Variants in CCDC50 observed in about 807,000 individuals in gnomAD.
CCDC50 encodes the protein coiled-coil domain-containing protein 50.
A neutral mutation model predicts 70.2 loss-of-function variants in CCDC50; 54 were observed. The observed-to-expected ratio is 0.77, with a 90% CI of 0.62 to 0.96. The LOEUF is 0.96. Ranked by LOEUF, CCDC50 falls within the 50% of genes least tolerant of loss-of-function variation. The probability of loss-of-function intolerance (pLI) is 0.00; values close to 1 mark genes in which losing one functional copy is unlikely to be tolerated. For missense variants in CCDC50, 558 were observed against 578.7 expected, an observed-to-expected ratio of 0.96 and a Z score of 0.37; for synonymous variants, 216 against 198.8, an observed-to-expected ratio of 1.09 and a Z score of -0.73.
Position 191,389,585 on chromosome 3 carries a change from C to T in CCDC50, c.1412C>T (p.Ser471Leu). 1 of 1,613,116 alleles carries T rather than the reference C, an allele frequency of 6.2e-7. No individual in the cohort carries two copies. The change falls in exon 11 of 12, where the codon TCA becomes TTA. Residue 471 changes from serine (S) to leucine (L), a missense_variant. Physicochemically the swap from Ser to Leu is moderately radical, Grantham distance 145 (BLOSUM62 -2). Transcript: ENST00000392455. ...AGTTCCACACGGCATTTCTCAAAAT[C>T]AGAGTCCTCTCATAAAGGTAAGAAG... ...QQSSTRHFSKSESSHKGFHYK... is the reference protein window; with the variant it reads ...QQSSTRHFSKLESSHKGFHYK...
At chr3:191,361,288 C>T in intron 4 of CCDC50, 129 bp downstream of exon 4, 1 of 707,406 alleles carries the variant, frequency 1.4e-6, no homozygotes, top group African/African-American at 1.8e-5. Context: ...CTTATTTGGG[C>T]TGCATTTTCC....
At chr3:191,386,704 A>G (rs1713509646) in intron 10 of CCDC50, among the ~76,000 whole-genome samples, 1 of 152,242 alleles carries the variant, frequency 6.6e-6, no homozygotes, top group South Asian at 2.1e-4. Flanking sequence ...GCTGAGAATC[A>G]AATCAAGAAC....
chr3:191,336,011 T>C (rs746454736), intron 1 of CCDC50, among the ~76,000 whole-genome samples: 5 of 152,056 alleles, frequency 3.3e-5, no homozygotes, highest in African/African-American at 9.7e-5. Flanking sequence ...TAAGATCATA[T>C]AGTAAGTAGT....
chr3:191,332,296 A>AAC (rs1007907578), intron 1 of CCDC50, among the ~76,000 whole-genome samples: 1 of 152,198 alleles, frequency 6.6e-6, no homozygotes, highest in Non-Finnish European at 1.5e-5. Context: ...CTTTTGAAAA[A>AAC]ACACACACAC....
intron 1 of CCDC50, among the ~76,000 whole-genome samples, chr3:191,330,741 A>G (rs186285246): frequency 2.0e-3 from 298 of 152,278 alleles, no homozygotes; most frequent in African/African-American, 6.7e-3. Context: ...TGCCAACTTA[A>G]TTTGACTCCG....
chr3:191,332,597 C>T (rs1321569240), intron 1 of CCDC50, among the ~76,000 whole-genome samples: 1 of 152,148 alleles, frequency 6.6e-6, no homozygotes, highest in Non-Finnish European at 1.5e-5. Context: ...ATGCAAAATG[C>T]AATTTGCGAA....
intron 4 of CCDC50, among the ~76,000 whole-genome samples, chr3:191,361,469 G>A (rs984930476): frequency 6.6e-6 from 1 of 152,230 alleles, no homozygotes; most frequent in Non-Finnish European, 1.5e-5. Context: ...GAGGCTAGAA[G>A]TCTAAAATCT....
At chr3:191,349,966 A>ACCC (rs11454979) in intron 1 of CCDC50, among the ~76,000 whole-genome samples, 2,276 of 105,106 alleles carry the variant, frequency 0.022, 95 homozygotes, top group Middle Eastern at 0.028. Context: ...ATTTAATAAT[A>ACCC]CCCCCCCCCT....
At position 191,391,856 on chromosome 3, in the gene CCDC50, T is replaced by G. The variant is rs762795098; in HGVS notation, c.*96T>G. The G allele has an allele frequency of 2.7e-6, 3 of 1,101,784 alleles. No individual in the cohort carries two copies. Among genetic ancestry groups the G allele is most frequent in the Non-Finnish European group, 4.1e-6 (3 of 733,256 alleles). 68.3% of individuals were successfully genotyped at this position (1,101,784 alleles called of 1,614,324 possible). ...ACACTTACTTTTTTTCTCCTGTGTT[T>G]GCATTCCTGGGATTTATCCTCAAGT... On this transcript the variant is annotated 3_prime_UTR_variant, in exon 12 of 12. Transcript: ENST00000392455.
rs1179042923 is a variant in CCDC50, at chr3:191,396,484, A to T, written c.*4724A>T. On this transcript the variant is annotated 3_prime_UTR_variant, in exon 12 of 12. Transcript: ENST00000392455. ...GTAGAAGGAGAGAATTTCTTGGCCAAATCCTTCATACCAGGTACCACTTCT... is the reference window on the plus strand; with the variant it reads ...GTAGAAGGAGAGAATTTCTTGGCCATATCCTTCATACCAGGTACCACTTCT... The T allele has an allele frequency of 1.3e-5, 2 of 152,188 alleles. No individual in the cohort carries two copies. Among genetic ancestry groups the T allele is most frequent in the Admixed American group, 1.3e-4 (2 of 15,276 alleles). 9.4% of individuals were successfully genotyped at this position (152,188 alleles called of 1,614,324 possible). A position where few individuals can be genotyped will look rare whatever the true frequency, so the allele number is the denominator to read the frequency against.
intron 10 of CCDC50, among the ~76,000 whole-genome samples, chr3:191,388,661 A>T (rs893502135): frequency 1.3e-5 from 2 of 152,226 alleles, no homozygotes; most frequent in Admixed American, 1.3e-4. Flanking sequence ...GTACCAAACC[A>T]ACTATAACTT....
At position 191,329,540 on chromosome 3, in the gene CCDC50, C is replaced by G. The variant is rs866363872; in HGVS notation, c.-135C>G. On this transcript the variant is annotated 5_prime_UTR_variant, in exon 1 of 12. Coordinates refer to ENST00000392455, the MANE Select transcript of CCDC50 (RefSeq NM_178335.3). ...CAGCCCCTGCCCGCCCGACCCGCTC[C>G]GTTCTCCGGCCTGCGAGCCCTGCCG... The G allele has an allele frequency of 2.5e-6, 2 of 794,200 alleles. No homozygotes were observed. Among genetic ancestry groups the G allele is most frequent in the Admixed American group, 3.9e-5 (1 of 25,954 alleles). 49.2% of individuals were successfully genotyped at this position (794,200 alleles called of 1,614,324 possible). A position where few individuals can be genotyped will look rare whatever the true frequency, so the allele number is the denominator to read the frequency against.
chr3:191,332,166 G>A (rs1576944640), intron 1 of CCDC50, among the ~76,000 whole-genome samples: 1 of 152,190 alleles, frequency 6.6e-6, no homozygotes, highest in East Asian at 1.9e-4. Flanking sequence ...AATAGAGGTC[G>A]TGGGTAGCAG....
chr3:191,371,765 T>A (rs887269214), intron 5 of CCDC50, among the ~76,000 whole-genome samples: 2 of 152,210 alleles, frequency 1.3e-5, no homozygotes, highest in Non-Finnish European at 2.9e-5. Context: ...TTCTCTTTTT[T>A]GATAGCCATT....
At position 191,348,101 on chromosome 3, in the gene CCDC50, C is replaced by A. The variant is rs562764060; in HGVS notation, c.50-8987C>A. 6.3e-5 allele frequency among the ~76,000 whole-genome samples: 9 copies of A among 142,252 alleles called. No individual in the cohort carries two copies. The East Asian group carries it at 1.7e-3, about 27-fold the overall frequency. 93.3% of individuals were successfully genotyped at this position (142,252 alleles called of 152,430 possible). A position where few individuals can be genotyped will look rare whatever the true frequency, so the allele number is the denominator to read the frequency against. On this transcript the variant is annotated intron_variant, in intron 1 of 11. Transcript: ENST00000392455. Reference sequence around the variant, plus strand: ...TCCTGTAAACTACGTGCTATGAAAGCACTGAAAGAAAATGATAGATGAGTC... The same window carrying A: ...TCCTGTAAACTACGTGCTATGAAAGAACTGAAAGAAAATGATAGATGAGTC...
chr3:191,358,104 C>T lies in CCDC50; in HGVS notation c.219C>T (p.Leu73=), dbSNP rs773086211. 1 of 1,613,700 alleles carries T rather than the reference C, an allele frequency of 6.2e-7. No individual in the cohort carries two copies. Among genetic ancestry groups the T allele is most frequent in the African/African-American group, 1.3e-5 (1 of 74,856 alleles). ...QEEDLKAQAQ[L]QKRYKDLEQQ... is the part of the protein sequence containing the mutation. ...AAGATCTGAAAGCGCAGGCCCAGCT[C>T]CAGAAGCGCTACAAAGACCTGTGAG... is the stretch of plus-strand genomic sequence containing the variant. Residue 73 remains leucine, a synonymous_variant, in exon 3 of 12, where the codon CTC becomes CTT. Transcript: ENST00000392455.
At chr3:191,332,858 C>T (rs1021258090) in intron 1 of CCDC50, among the ~76,000 whole-genome samples, 9 of 152,176 alleles carry the variant, frequency 5.9e-5, no homozygotes, top group Non-Finnish European at 1.0e-4. Context: ...CCATTTAGCC[C>T]TCTCTAACCA....
At chr3:191,337,576 C>T (rs1321470027) in intron 1 of CCDC50, among the ~76,000 whole-genome samples, 1 of 152,002 alleles carries the variant, frequency 6.6e-6, no homozygotes, top group Non-Finnish European at 1.5e-5. Context: ...AACTCCTGAC[C>T]TCGTGATCCG....
chr3:191,388,312 A>G (rs964701252), intron 10 of CCDC50, among the ~76,000 whole-genome samples: 1 of 152,170 alleles, frequency 6.6e-6, no homozygotes, highest in African/African-American at 2.4e-5. Context: ...ACACCTATGT[A>G]GTAGAGTAGT....
Sources: allele counts gnomAD v4.1 joint callset (sites outside exome capture counted in the v4.1 genomes callset), GRCh38; gene constraint gnomAD v4.1.1; transcripts MANE v1.5; gene names NCBI Gene and HGNC (gene_info 2026-07-23, HGNC 2026-07-21).